The following CSMD1 variants were observed in gnomAD, a reference collection of about 807,000 sequenced individuals.
The protein encoded by CSMD1 is CUB and Sushi multiple domains 1.
In CSMD1, 213 loss-of-function variants were observed where a neutral mutation model predicts 417.5. The ratio of observed to expected loss-of-function variants is 0.51; its 90% CI spans 0.46 to 0.57. CSMD1 has a LOEUF of 0.57. Ranked by LOEUF, CSMD1 falls within the 20% of genes least tolerant of loss-of-function variation. The probability of loss-of-function intolerance (pLI) is 0.00; values close to 1 mark genes in which losing one functional copy is unlikely to be tolerated. For synonymous variants in CSMD1, 2,862 were observed against 1,736.8 expected, an observed-to-expected ratio of 1.65 and a Z score of -16.11; for missense variants, 6,923 against 4,529.7, an observed-to-expected ratio of 1.53 and a Z score of -15.17.
In CSMD1 at chr8:3,763,072, T is replaced by C. The variant is rs529360711; in HGVS notation, c.819-9030A>G. ...TTTGCGAGATTGAAGCCTGTCCTAT[T>C]CTCACGGTCTCTCTGGCACGTAACA... On this transcript the variant is annotated intron_variant, in intron 5 of 69. Coordinates refer to ENST00000635120, the MANE Select transcript of CSMD1 (RefSeq NM_033225.6). Among the ~76,000 whole-genome samples, 7 of 152,326 alleles carry C rather than the reference T, an allele frequency of 4.6e-5. No individual in the cohort carries two copies. The East Asian group carries it at 1.4e-3, about 29-fold the overall frequency.
At chr8:3,655,740 G>A (rs140027140) in intron 7 of CSMD1, among the ~76,000 whole-genome samples, 3 of 150,068 alleles carry the variant, frequency 2.0e-5, no homozygotes, top group African/African-American at 5.0e-5. Flanking sequence ...GCACAAACAT[G>A]CTCATTGGGA....
At chr8:4,936,853 CTA>C (rs1227150440) in intron 1 of CSMD1, among the ~76,000 whole-genome samples, 8 of 152,108 alleles carry the variant, frequency 5.3e-5, no homozygotes, top group African/African-American at 1.9e-4. Flanking sequence ...ACATAAAACA[CTA>C]TTATTTTGAC....
chr8:4,091,312 A>T (rs1390575767), intron 3 of CSMD1, among the ~76,000 whole-genome samples: 1 of 152,184 alleles, frequency 6.6e-6, no homozygotes, highest in African/African-American at 2.4e-5. Context: ...CTGATTCAAT[A>T]AATATTTTGT....
intron 2 of CSMD1, among the ~76,000 whole-genome samples, chr8:4,611,404 G>C (rs1265653984): frequency 6.6e-6 from 1 of 152,142 alleles, no homozygotes; most frequent in East Asian, 1.9e-4. Context: ...GTTAGTTCTT[G>C]ATTGTTTAAT....
chr8:4,671,902 T>C (rs987223482), intron 1 of CSMD1, among the ~76,000 whole-genome samples: 2 of 152,140 alleles, frequency 1.3e-5, no homozygotes, highest in African/African-American at 4.8e-5. Flanking sequence ...CTCCACTAAG[T>C]TGCCAAGCAT....
rs190985634 is a variant in CSMD1 at position 4,361,160 on chromosome 8, G to A, written c.415+58793C>T. ...GCTGAAGCTTTATCATTTGTAGAAT[G>A]GGCTAAATTAGACTTATTAAGCTGT... is the stretch of plus-strand genomic sequence containing the variant. On this transcript the variant is annotated intron_variant, in intron 3 of 69. Transcript: ENST00000635120. 1.8e-3 allele frequency among the ~76,000 whole-genome samples: 278 copies of A among 152,196 alleles called. 2 individuals are homozygous for A. Among genetic ancestry groups the A allele is most frequent in the Non-Finnish European group, 1.8e-3 (123 of 68,014 alleles).
intron 3 of CSMD1, among the ~76,000 whole-genome samples, chr8:4,131,195 T>C (rs1803080805): frequency 6.6e-6 from 1 of 152,166 alleles, no homozygotes; most frequent in Non-Finnish European, 1.5e-5. Context: ...GACTTCATAG[T>C]TAAATAGAGA....
chr8:4,005,175 T>C (rs1816011893), intron 4 of CSMD1, among the ~76,000 whole-genome samples: 2 of 152,090 alleles, frequency 1.3e-5, no homozygotes, highest in Admixed American at 6.6e-5. Flanking sequence ...AAAGACAACA[T>C]ATATGATGCA....
intron 5 of CSMD1, among the ~76,000 whole-genome samples, chr8:3,778,491 C>G (rs936294428): frequency 2.0e-5 from 3 of 152,186 alleles, no homozygotes; most frequent in Non-Finnish European, 2.9e-5. Flanking sequence ...TACGGTAGTC[C>G]CATTGCCCCC....
chr8:3,173,898 G>T (rs1820739514), intron 37 of CSMD1, among the ~76,000 whole-genome samples: 1 of 152,132 alleles, frequency 6.6e-6, no homozygotes. Flanking sequence ...CAAGTTATCT[G>T]TATTCAATTA....
At chr8:3,800,818 G>A (rs79223292) in intron 5 of CSMD1, among the ~76,000 whole-genome samples, 8 of 151,936 alleles carry the variant, frequency 5.3e-5, no homozygotes, top group African/African-American at 1.9e-4. Context: ...CTTCCCCTTT[G>A]ACCTTCTTCA....
intron 3 of CSMD1, among the ~76,000 whole-genome samples, chr8:4,253,618 A>G (rs1434010822): frequency 6.6e-6 from 1 of 152,196 alleles, no homozygotes; most frequent in African/African-American, 2.4e-5. Flanking sequence ...GTCAAGTAAA[A>G]GACTGGAGGG....
At chr8:4,354,483 T>G (rs973042105) in intron 3 of CSMD1, among the ~76,000 whole-genome samples, 2 of 152,146 alleles carry the variant, frequency 1.3e-5, no homozygotes, top group African/African-American at 4.8e-5. Context: ...TGGGGTGGAA[T>G]GTCAGAGAGA....
chr8:4,678,878 T>A (rs1805856318), intron 1 of CSMD1, among the ~76,000 whole-genome samples: 1 of 152,222 alleles, frequency 6.6e-6, no homozygotes. Flanking sequence ...TCTGTCATTG[T>A]AAAAAGTTTA....
intron 51 of CSMD1, among the ~76,000 whole-genome samples, chr8:3,023,854 C>CAA (rs71199524): frequency 0.024 from 2,582 of 108,302 alleles, 70 homozygotes; most frequent in African/African-American, 0.075. Flanking sequence ...ACTGGGGAGT[C>CAA]AAAAAAAAAA....
At chr8:4,594,259 A>G (rs530238753) in intron 2 of CSMD1, among the ~76,000 whole-genome samples, 146 of 131,686 alleles carry the variant, frequency 1.1e-3, no homozygotes, top group African/African-American at 4.0e-3. Context: ...GCTGGAGTGC[A>G]GTGGCGTGAT....
At chr8:3,378,412 T>A (rs1048989980) in intron 18 of CSMD1, among the ~76,000 whole-genome samples, 20 of 152,070 alleles carry the variant, frequency 1.3e-4, no homozygotes, top group East Asian at 7.7e-4. Flanking sequence ...GGCAGCATCA[T>A]CCTGATACCA....
At chr8:3,991,649 T>A (rs1418122009) in intron 5 of CSMD1, among the ~76,000 whole-genome samples, 1 of 152,164 alleles carries the variant, frequency 6.6e-6, no homozygotes, top group Non-Finnish European at 1.5e-5. Flanking sequence ...ACTTTCTTTG[T>A]ATGCACTAAG....
chr8:4,022,589 G>T (rs551019482), intron 4 of CSMD1, among the ~76,000 whole-genome samples: 1 of 152,176 alleles, frequency 6.6e-6, no homozygotes, highest in Admixed American at 6.5e-5. Flanking sequence ...GTAAAGAGAA[G>T]CCTCCAAGTT....
Sources: gnomAD v4.1 joint callset for allele counts (sites outside exome capture counted in the v4.1 genomes callset) on GRCh38, gnomAD v4.1.1 for gene constraint, MANE v1.5 for transcripts, NCBI Gene and HGNC (gene_info 2026-07-23, HGNC 2026-07-21) for gene names.